The following MYLK2 variants were observed in gnomAD, a reference collection of about 807,000 sequenced individuals.
The protein encoded by MYLK2 is myosin light chain kinase 2, also known as myosin light chain kinase 2, skeletal/cardiac muscle.
Under a neutral mutation model 58.2 loss-of-function variants are expected in MYLK2, and 27 were observed. The ratio of observed to expected loss-of-function variants is 0.46; its 90% CI spans 0.34 to 0.64. The LOEUF (loss-of-function observed/expected upper bound fraction) is 0.64, where lower values mean the gene tolerates loss of function less well. Among genes scored for constraint, MYLK2 ranks in the 30% least tolerant of loss-of-function variants. MYLK2 has a pLI of 0.01. For missense variants in MYLK2, 676 were observed against 764.3 expected (o/e 0.88, Z 1.36); for synonymous variants, 310 against 296.7 (o/e 1.04, Z -0.46).
At chr20:31,831,282 G>A (rs1050977856) in intron 10 of MYLK2, 141 bp downstream of exon 10, 4 of 1,293,776 alleles carry the variant, frequency 3.1e-6, no homozygotes, top group East Asian at 2.3e-5. Context: ...GGTTGGGAGT[G>A]CTAGGGAGAA....
At chr20:31,821,769 C>T (rs752443810) in intron 4 of MYLK2, 32 bp downstream of exon 4, 2 of 1,552,016 alleles carry the variant, frequency 1.3e-6, no homozygotes, top group East Asian at 2.3e-5. Context: ...GCTGGGGCTG[C>T]CCTGGGGCCA....
rs1325365742 is a variant in MYLK2, at chr20:31,826,812, G to A, written c.1098G>A (p.Glu366=). The change falls in exon 8 of 13, where the codon GAG becomes GAA. Residue 366 remains glutamate (E), a synonymous_variant. Transcript: ENST00000375985. The part of the protein sequence containing the change: ...VLFMEYIEGG[E]LFERIVDEDY... The stretch of plus-strand genomic sequence containing the variant: ...GTGCACACAGCATCGAGGGCGGAGA[G>A]CTCTTCGAGAGGATTGTGGATGAGG... 3 of 1,614,142 alleles carry A rather than the reference G, an allele frequency of 1.9e-6. No homozygotes were observed. The highest frequency in any genetic ancestry group is 2.5e-6 in the Non-Finnish European group (3 of 1,180,016).
chr20:31,824,487 C>T, intron 6 of MYLK2, 135 bp downstream of exon 6: 1 of 1,518,724 alleles, frequency 6.6e-7, no homozygotes, highest in Non-Finnish European at 8.8e-7. Flanking sequence ...AAATACTACA[C>T]AGATAGAGAG....
In MYLK2 at chr20:31,832,098, A is replaced by C. The variant is rs751085181; in HGVS notation, c.1672A>C (p.Ile558Leu). 1 of 1,609,142 alleles carries C rather than the reference A, an allele frequency of 6.2e-7. No individual in the cohort carries two copies. Among genetic ancestry groups the C allele is most frequent in the African/African-American group, 1.3e-5 (1 of 74,818 alleles). ...CTGTAACCGACGCCTTAAGTCCCAG[A>C]TCTTGCTTAAGAAATACCTCATGAA... Reference protein sequence around the residue: ...KRCNRRLKSQILLKKYLMKRR... With the variant: ...KRCNRRLKSQLLLKKYLMKRR... The change falls in exon 12 of 13, where the codon ATC becomes CTC. Residue 558 changes from isoleucine to leucine, a missense_variant. Physicochemically the swap from Ile to Leu is conservative, Grantham distance 5 (BLOSUM62 2). This residue lies in a region of MYLK2 where 370 missense variants were observed against 467.8 expected (regional missense o/e 0.79). Transcript: ENST00000375985.
chr20:31,820,604 T>C, intron 3 of MYLK2, 58 bp downstream of exon 3: 6 of 1,581,380 alleles, frequency 3.8e-6, no homozygotes, highest in Non-Finnish European at 4.3e-6. Flanking sequence ...CTAGGGGTCC[T>C]GCTTAATTCC....
chr20:31,833,655 A>T, intron 12 of MYLK2, 62 bp from the exon 13 acceptor site: 1 of 1,449,350 alleles, frequency 6.9e-7, no homozygotes. Flanking sequence ...GGCTGCTCAG[A>T]CACCCTGCAG....
chr20:31,827,241 T>A, intron 8 of MYLK2: 1 of 985,458 alleles, frequency 1.0e-6, no homozygotes, highest in Non-Finnish European at 1.2e-6. Context: ...AAGCTCAGTG[T>A]GTCACACAGA....
rs115398036 is a variant in MYLK2 at position 31,820,339 on chromosome 20, G to A, written c.266G>A (p.Gly89Asp). ...GACAGGGGCGGGGGGCCCGCGGAGG[G>A]CAGTGCTGGGCCCCCGGCAGCCCTG... is the stretch of plus-strand genomic sequence containing the variant. ...EGDRGGGPAE[G>D]SAGPPAALPQ... The change falls in exon 3 of 13, where the codon GGC becomes GAC. Residue 89 changes from glycine to aspartate, a missense_variant. This residue lies in a region of MYLK2 where 306 missense variants were observed against 296.5 expected (regional missense o/e 1.03). Transcript: ENST00000375985. The A allele has an allele frequency of 2.3e-3, 3,694 of 1,612,926 alleles. 67 individuals are homozygous for A. In the African/African-American group the frequency reaches 0.044, roughly 19 times the overall value.
intron 10 of MYLK2, 52 bp from the exon 11 acceptor site, chr20:31,831,651 A>G (rs2123140596): frequency 9.4e-6 from 15 of 1,595,172 alleles, no homozygotes; most frequent in Middle Eastern, 1.8e-4. Context: ...TCTGAAGGTG[A>G]CTCAGCACCT....
chr20:31,833,091 A>G (rs1157646722), intron 12 of MYLK2, among the ~76,000 whole-genome samples: 4 of 151,894 alleles, frequency 2.6e-5, no homozygotes, highest in African/African-American at 9.7e-5. Flanking sequence ...AGGTCTCGCC[A>G]TGTTGCTCAG....
In MYLK2 at chr20:31,834,010, G is replaced by C. The variant is rs2062321583; in HGVS notation, c.*213G>C. On this transcript the variant is annotated 3_prime_UTR_variant, in exon 13 of 13. Coordinates refer to ENST00000375985, the MANE Select transcript of MYLK2 (RefSeq NM_033118.4). ...TCGGAGTGTGGCCTGGATCCATCCT[G>C]CTAGCACCTCCCCAGACAGGGCTCC... 1 of 582,368 alleles carries C rather than the reference G, an allele frequency of 1.7e-6. No homozygotes were observed. Among genetic ancestry groups the C allele is most frequent in the Non-Finnish European group, 3.1e-6 (1 of 326,004 alleles). The allele number at this position is 582,368 out of a possible 1,614,324, so 36.1% of individuals were successfully genotyped here. A position where few individuals can be genotyped will look rare whatever the true frequency, so the allele number is the denominator to read the frequency against.
chr20:31,826,862 C>T lies in MYLK2; in HGVS notation c.1148C>T (p.Thr383Ile), dbSNP rs1383312784. The T allele has an allele frequency of 1.1e-5, 18 of 1,614,084 alleles. No homozygotes were observed. The highest frequency in any genetic ancestry group is 1.5e-5 in the Non-Finnish European group (18 of 1,180,018). ...GACTACCATCTGACCGAGGTGGACA[C>T]CATGGTGTTTGTCAGGCAGATCTGT... ...DEDYHLTEVD[T>I]MVFVRQICDG... The change falls in exon 8 of 13, where the codon ACC becomes ATC. Residue 383 changes from threonine (T) to isoleucine (I), a missense_variant. Around this residue, in one of 2 missense-constraint regions of MYLK2, gnomAD observed 370 missense variants for 467.8 expected, o/e 0.79. Coordinates refer to ENST00000375985, the MANE Select transcript of MYLK2 (RefSeq NM_033118.4).
At chr20:31,831,454 C>T (rs1373773893) in intron 10 of MYLK2, among the ~76,000 whole-genome samples, 6 of 152,062 alleles carry the variant, frequency 3.9e-5, no homozygotes, top group East Asian at 1.9e-4. Context: ...CATTCCTCAT[C>T]ACTGCCACCT....
chr20:31,827,833 T>A (rs76078014), intron 8 of MYLK2, among the ~76,000 whole-genome samples: 13,038 of 149,270 alleles, frequency 0.087, 634 homozygotes, highest in African/African-American at 0.14. Context: ...ATCCCTCTTC[T>A]GACCTTGCTC....
At chr20:31,833,625 TG>T in intron 12 of MYLK2, 91 bp from the exon 13 acceptor site, 1 of 1,157,942 alleles carries the variant, frequency 8.6e-7, no homozygotes, top group Non-Finnish European at 1.3e-6. Flanking sequence ...GTGACCCTCC[TG>T]GACTGAAGGG....
Position 31,823,613 on chromosome 20 carries a change from T to C in MYLK2, c.878+31T>C, listed in dbSNP as rs775514231. 8 of 1,601,716 alleles carry C rather than the reference T, an allele frequency of 5.0e-6. No homozygotes were observed. In the East Asian group the frequency reaches 1.6e-4, roughly 31 times the overall value. On this transcript the variant is annotated intron_variant, in intron 5 of 12. Coordinates refer to ENST00000375985, the MANE Select transcript of MYLK2 (RefSeq NM_033118.4). Reference sequence around the variant, plus strand: ...ATCTGGGACCCCAGCTGGGCACTCATGGACAGAGAGTACACCGGGCTCCTG... The same window carrying C: ...ATCTGGGACCCCAGCTGGGCACTCACGGACAGAGAGTACACCGGGCTCCTG...
At chr20:31,824,673 G>T in intron 6 of MYLK2, 1 of 673,170 alleles carries the variant, frequency 1.5e-6, no homozygotes, top group African/African-American at 2.0e-5. Context: ...TGGGCACTGG[G>T]GGTCTGGGAG....
At chr20:31,826,774 C>T (rs759641559) in intron 7 of MYLK2, 23 bp from the exon 8 acceptor site, 14 of 1,613,914 alleles carry the variant, frequency 8.7e-6, no homozygotes, top group African/African-American at 2.7e-5. Context: ...CGGAGCAAGC[C>T]GTGGAGGGGT....
At chr20:31,829,263 CAA>C (rs1006767291) in intron 8 of MYLK2, among the ~76,000 whole-genome samples, 3 of 151,664 alleles carry the variant, frequency 2.0e-5, no homozygotes, top group African/African-American at 7.3e-5. Context: ...CGTTTTTTGT[CAA>C]AAAAAGTGTT....
Sources: gnomAD v4.1 joint callset for allele counts (sites outside exome capture counted in the v4.1 genomes callset) on GRCh38, gnomAD v4.1.1 for gene constraint, gnomAD v4.1.1 regional missense constraint, MANE v1.5 for transcripts, NCBI Gene and HGNC (gene_info 2026-07-23, HGNC 2026-07-21) for gene names.